PDS5B: variants seen among roughly 807,000 people sequenced by gnomAD.
PDS5B encodes sister chromatid cohesion protein PDS5 homolog B.
A neutral mutation model predicts 184.1 loss-of-function variants in PDS5B; 51 were observed. That is an observed-to-expected ratio of 0.28 (90% CI 0.22 to 0.35). PDS5B has a LOEUF of 0.35. Ranked by LOEUF, PDS5B falls within the 10% of genes least tolerant of loss-of-function variation. The pLI is 1.00. For synonymous variants in PDS5B, 566 were observed against 569.2 expected (o/e 0.99, Z 0.08); for missense variants, 1,180 against 1,723.3 (o/e 0.68, Z 5.58).
intron 21 of PDS5B, among the ~76,000 whole-genome samples, chr13:32,739,266 T>C (rs1276379630): frequency 6.6e-6 from 1 of 152,152 alleles, no homozygotes; most frequent in African/African-American, 2.4e-5. Flanking sequence ...TACCATCTCC[T>C]GGTAATCTGC....
intron 9 of PDS5B, among the ~76,000 whole-genome samples, chr13:32,677,318 A>G (rs1233458631): frequency 6.6e-6 from 1 of 152,016 alleles, no homozygotes; most frequent in Non-Finnish European, 1.5e-5. Flanking sequence ...TACTGTATAT[A>G]TATTTATTAT....
intron 1 of PDS5B, among the ~76,000 whole-genome samples, chr13:32,633,565 C>T (rs1463187554): frequency 6.6e-6 from 1 of 152,090 alleles, no homozygotes; most frequent in South Asian, 2.1e-4. Context: ...TATGCAGTCC[C>T]TCAAAACTAA....
In PDS5B at chr13:32,696,893, G is replaced by A; in HGVS notation, c.1591G>A (p.Val531Ile). The change falls in exon 15 of 35, where the codon GTT becomes ATT. Residue 531 changes from valine to isoleucine, a missense_variant. Physicochemically the swap from Val to Ile is conservative, Grantham distance 29. Transcript: ENST00000315596. ...CAAGGCCATATTTTCAAAAGTGATG[G>A]TTATTACAAGTAAGTTATTTTAAAA... ...SVKAIFSKVM[V>I]ITRNLPDPGK... The A allele has an allele frequency of 6.5e-7, 1 of 1,548,382 alleles. No homozygotes were observed. The highest frequency in any genetic ancestry group is 8.9e-7 in the Non-Finnish European group (1 of 1,127,914).
chr13:32,773,766 A>G (rs1422741287), intron 34 of PDS5B, among the ~76,000 whole-genome samples: 1 of 152,170 alleles, frequency 6.6e-6, no homozygotes, highest in African/African-American at 2.4e-5. Context: ...AATTGGTAAT[A>G]CATACTTATT....
intron 3 of PDS5B, among the ~76,000 whole-genome samples, chr13:32,653,076 C>G (rs1417786900): frequency 6.6e-6 from 1 of 152,170 alleles, no homozygotes; most frequent in African/African-American, 2.4e-5. Flanking sequence ...GGCCGATCAC[C>G]TGAGGTCAGG....
chr13:32,643,030 A>G (rs1036281003), intron 1 of PDS5B, among the ~76,000 whole-genome samples: 3 of 152,102 alleles, frequency 2.0e-5, no homozygotes, highest in Non-Finnish European at 4.4e-5. Context: ...TACATGGATG[A>G]GTATATTTTA....
chr13:32,664,531 A>C (rs756416926), intron 6 of PDS5B, among the ~76,000 whole-genome samples: 3 of 152,200 alleles, frequency 2.0e-5, no homozygotes, highest in Non-Finnish European at 2.9e-5. Context: ...TATCATAATG[A>C]TGTCAATCTT....
chr13:32,718,307 T>C lies in PDS5B; in HGVS notation c.2123+8201T>C, dbSNP rs868012411. On this transcript the variant is annotated intron_variant, in intron 19 of 34. Transcript: ENST00000315596. Reference sequence around the variant, plus strand: ...CTGGGACTACAGGCGCCCGCCACCATGCCCGGCTAATTTTTTGTATTTTTA... The same window carrying C: ...CTGGGACTACAGGCGCCCGCCACCACGCCCGGCTAATTTTTTGTATTTTTA... Among the ~76,000 whole-genome samples the C allele has an allele frequency of 3.3e-5, 5 of 152,034 alleles. No homozygotes were observed. In the South Asian group the frequency reaches 6.2e-4, roughly 19 times the overall value.
chr13:32,755,041 G>A (rs1386302933), intron 25 of PDS5B, among the ~76,000 whole-genome samples: 1 of 152,110 alleles, frequency 6.6e-6, no homozygotes, highest in Non-Finnish European at 1.5e-5. Context: ...TGAAATGAAT[G>A]ATGTTACACA....
At chr13:32,634,516 A>G (rs1379723401) in intron 1 of PDS5B, among the ~76,000 whole-genome samples, 1 of 151,818 alleles carries the variant, frequency 6.6e-6, no homozygotes, top group Non-Finnish European at 1.5e-5. Context: ...TTGTGTGGAT[A>G]TAGGTTTTCT....
intron 1 of PDS5B, among the ~76,000 whole-genome samples, chr13:32,640,995 T>C (rs1180765508): frequency 6.7e-6 from 1 of 149,720 alleles, no homozygotes; most frequent in African/African-American, 2.5e-5. Context: ...AGGCGGAGCT[T>C]GCAGTGAGCC....
At chr13:32,708,436 A>G (rs748475315) in intron 18 of PDS5B, among the ~76,000 whole-genome samples, 3 of 152,212 alleles carry the variant, frequency 2.0e-5, no homozygotes, top group Admixed American at 6.5e-5. Context: ...GAATGTTTCT[A>G]TGTAAGATCT....
intron 23 of PDS5B, 87 bp from the exon 24 acceptor site, chr13:32,745,890 C>A: frequency 8.8e-7 from 1 of 1,133,536 alleles, no homozygotes; most frequent in Middle Eastern, 2.2e-4. Flanking sequence ...CTTTTTTGTG[C>A]CAGAATTTTT....
intron 25 of PDS5B, among the ~76,000 whole-genome samples, 159 bp downstream of exon 25, chr13:32,753,695 A>T (rs1000334795): frequency 6.6e-6 from 1 of 152,172 alleles, no homozygotes; most frequent in African/African-American, 2.4e-5. Context: ...TATGAAGGTC[A>T]TTTAAAAAAT....
In PDS5B at chr13:32,612,050, CT is replaced by C. The variant is rs569721012; in HGVS notation, c.-20+25469del. ...GTTGGCAGACTTTCAGACTGTGCATCTTTTTTTTTTTTCCTTCACGTAGGCC... is the reference window on the plus strand; with the variant it reads ...GTTGGCAGACTTTCAGACTGTGCATCTTTTTTTTTTTCCTTCACGTAGGCC... On this transcript the variant is annotated intron_variant, in intron 1 of 34. Transcript: ENST00000315596. Among the ~76,000 whole-genome samples the C allele has an allele frequency of 8.9e-3, 1,284 of 144,922 alleles. 17 individuals are homozygous for C. Among genetic ancestry groups the C allele is most frequent in the East Asian group, 0.027 (133 of 5,002 alleles).
intron 1 of PDS5B, among the ~76,000 whole-genome samples, chr13:32,593,972 G>GTCTT (rs2057816631): frequency 6.6e-6 from 1 of 152,176 alleles, no homozygotes; most frequent in East Asian, 1.9e-4. Flanking sequence ...CAACTAGCTA[G>GTCTT]AAGAGAGGCT....
At chr13:32,755,775 T>C (rs1954152790) in intron 25 of PDS5B, 67 bp from the exon 26 acceptor site, 1 of 732,656 alleles carries the variant, frequency 1.4e-6, no homozygotes, top group East Asian at 2.7e-5. Context: ...CTGGATATTT[T>C]TGTTTTGTTT....
At chr13:32,641,529 G>T (rs1211997411) in intron 1 of PDS5B, among the ~76,000 whole-genome samples, 2 of 151,982 alleles carry the variant, frequency 1.3e-5, no homozygotes, top group East Asian at 3.9e-4. Flanking sequence ...TTTTGCCTAG[G>T]TTTTTGTAAT....
At chr13:32,617,808 C>T (rs1211795214) in intron 1 of PDS5B, among the ~76,000 whole-genome samples, 1 of 152,174 alleles carries the variant, frequency 6.6e-6, no homozygotes, top group Non-Finnish European at 1.5e-5. Flanking sequence ...GCTAATCTTA[C>T]TGTTGGGTTG....
Sources: allele counts gnomAD v4.1 joint callset (sites outside exome capture counted in the v4.1 genomes callset), GRCh38; gene constraint gnomAD v4.1.1; transcripts MANE v1.5; gene names NCBI Gene and HGNC (gene_info 2026-07-23, HGNC 2026-07-21).